BRF2: variants seen among roughly 807,000 people sequenced by gnomAD.
BRF2 encodes the protein BRF2 general transcription factor IIIB subunit.
A neutral mutation model predicts 26.6 loss-of-function variants in BRF2; 17 were observed. The ratio of observed to expected loss-of-function variants is 0.64; its 90% confidence interval spans 0.44 to 0.96. The LOEUF is 0.96. BRF2 is among the 40% of genes least tolerant of loss of function. The pLI, the probability that BRF2 is intolerant of heterozygous loss-of-function variation, is 0.00. For missense variants in BRF2, 515 were observed against 537.0 expected (o/e 0.96, Z 0.40); for synonymous variants, 219 against 226.6 (o/e 0.97, Z 0.30).
Position 37,844,820 on chromosome 8 carries a change from A to G in BRF2, c.930T>C (p.Ser310=). The stretch of plus-strand genomic sequence containing the variant: ...CTTCTGCTGTCCCATCCCGAAAGGC[A>G]GAGCGGACCAGTGACTGGCGGTGCT... ...LLQHRQSLVR[S]AFRDGTAEVE... Residue 310 remains serine, a synonymous_variant, in exon 4 of 4, where the codon TCT becomes TCC. Transcript: ENST00000220659. 6.2e-7 allele frequency: 1 copy of G among 1,614,142 alleles called. No homozygotes were observed. The highest frequency in any genetic ancestry group is 8.5e-7 in the Non-Finnish European group (1 of 1,180,008).
intron 3 of BRF2, chr8:37,845,909 A>G: frequency 1.7e-6 from 1 of 574,702 alleles, no homozygotes. Context: ...ATTCAGCCAC[A>G]AAGCCCATGG....
intron 2 of BRF2, among the ~76,000 whole-genome samples, 194 bp downstream of exon 2, chr8:37,848,402 A>T (rs967857090): frequency 6.6e-6 from 1 of 151,978 alleles, no homozygotes; most frequent in African/African-American, 2.4e-5. Context: ...ACATGCCACC[A>T]TGCCCAGCTA....
intron 3 of BRF2, 27 bp downstream of exon 3, chr8:37,846,827 T>G: frequency 6.5e-7 from 1 of 1,547,880 alleles, no homozygotes; most frequent in South Asian, 1.1e-5. Flanking sequence ...TCCCATCCCA[T>G]CCTACTGTCT....
At chr8:37,847,805 A>C (rs948847912) in intron 2 of BRF2, among the ~76,000 whole-genome samples, 5 of 152,008 alleles carry the variant, frequency 3.3e-5, no homozygotes, top group Non-Finnish European at 7.4e-5. Context: ...CTGGGATTAC[A>C]GGTGTGAGCC....
rs1386252900 is a variant in BRF2, at chr8:37,843,845, A to AG, written c.*644dup. ...GAGCTTTTTGCAATATGCTGGGGAAAGGGGAGGGAGGGAATGAAAGTGCCA... is the reference window on the plus strand; with the variant it reads ...GAGCTTTTTGCAATATGCTGGGGAAAGGGGGAGGGAGGGAATGAAAGTGCCA... On this transcript the variant is annotated 3_prime_UTR_variant, in exon 4 of 4. Coordinates refer to ENST00000220659, the MANE Select transcript of BRF2 (RefSeq NM_018310.4). 6.5e-6 allele frequency: 1 copy of AG among 152,826 alleles called. No homozygotes were observed. Among genetic ancestry groups the AG allele is most frequent in the East Asian group, 1.9e-4 (1 of 5,198 alleles). 9.5% of individuals were successfully genotyped at this position (152,826 alleles called of 1,614,324 possible).
Position 37,847,181 on chromosome 8 carries a change from A to G in BRF2, c.215-6T>C. On this transcript the variant is annotated splice_polypyrimidine_tract_variant and splice_region_variant and intron_variant, in intron 2 of 3. Transcript: ENST00000220659. The stretch of plus-strand genomic sequence containing the variant: ...GTCTCTCACTCGCCGGAGACCTAGG[A>G]AAAACCCACGGCAAGAGTTAGAGGG... 1 of 1,612,870 alleles carries G rather than the reference A, an allele frequency of 6.2e-7. No individual in the cohort carries two copies. The highest frequency in any genetic ancestry group is 8.5e-7 in the Non-Finnish European group (1 of 1,178,926).
At position 37,845,209 on chromosome 8, in the gene BRF2, T is replaced by A. The variant is rs779160210; in HGVS notation, c.541A>T (p.Lys181Ter). 1.2e-6 allele frequency: 2 copies of A among 1,607,528 alleles called. No homozygotes were observed. The highest frequency in any genetic ancestry group is 1.7e-6 in the Non-Finnish European group (2 of 1,175,188). ...ACAGAAGGTGAAGCTTGGAACAGTT[T>A]GAAGCTGAAATAACCAAAATGAGGG... ...ELVKTYCSSFKLFQASPSVPA... is the reference protein window; with the variant it reads ...ELVKTYCSSF Residue 181 changes from lysine (K) to a stop codon, truncating the protein, a stop_gained, in exon 4 of 4, where the codon AAA becomes TAA. Coordinates refer to ENST00000220659, the MANE Select transcript of BRF2 (RefSeq NM_018310.4). LOFTEE classifies it low-confidence loss of function (END_TRUNC).
Position 37,849,682 on chromosome 8 carries a change from C to G in BRF2, c.102G>C (p.Val34=), listed in dbSNP as rs149519890. The G allele has an allele frequency of 3.1e-6, 5 of 1,613,704 alleles. No individual in the cohort carries two copies. Among genetic ancestry groups the G allele is most frequent in the Non-Finnish European group, 4.2e-6 (5 of 1,179,954 alleles). ...TAGTGGTAAGGACCCCCTCGGTGACCACGCAGCCGCAGTCGGAGCACACCA... is the reference window on the plus strand; with the variant it reads ...TAGTGGTAAGGACCCCCTCGGTGACGACGCAGCCGCAGTCGGAGCACACCA... ...SQLVCSDCGC[V]VTEGVLTTTF... The change falls in exon 1 of 4, where the codon GTG becomes GTC. Residue 34 remains valine, a synonymous_variant. Coordinates refer to ENST00000220659, the MANE Select transcript of BRF2 (RefSeq NM_018310.4).
chr8:37,846,868 C>A lies in BRF2; in HGVS notation c.522G>T (p.Lys174Asn), dbSNP rs145364626. ...VPSLCLAELV[K>N]TYCSSFKLFQ... ...CAGGGACGTACCTGCTGCAATAGGT[C>A]TTCACCAGTTCTGCCAAGCACAGAG... is the stretch of plus-strand genomic sequence containing the variant. The change falls in exon 3 of 4, where the codon AAG (lysine) becomes AAT (asparagine). Residue 174 changes from lysine to asparagine, a missense_variant. By Grantham distance (94) the Lys-to-Asn change is moderately conservative (BLOSUM62 0). Transcript: ENST00000220659. 27 of 1,613,398 alleles carry A rather than the reference C, an allele frequency of 1.7e-5. No homozygotes were observed. The African/African-American group carries it at 3.3e-4, about 20-fold the overall frequency.
At position 37,844,332 on chromosome 8, in the gene BRF2, A is replaced by T; in HGVS notation, c.*158T>A. On this transcript the variant is annotated 3_prime_UTR_variant, in exon 4 of 4. Coordinates refer to ENST00000220659, the MANE Select transcript of BRF2 (RefSeq NM_018310.4). Reference sequence around the variant, plus strand: ...TAGTCATCCCTGCACTCCTGACTTTACTCCAGGACCCAGGGTCCAACTAAT... The same window carrying T: ...TAGTCATCCCTGCACTCCTGACTTTTCTCCAGGACCCAGGGTCCAACTAAT... 2.3e-6 allele frequency: 2 copies of T among 883,700 alleles called. No homozygotes were observed. The highest frequency in any genetic ancestry group is 3.5e-6 in the Non-Finnish European group (2 of 575,178). 54.7% of individuals were successfully genotyped at this position (883,700 alleles called of 1,614,324 possible).
chr8:37,849,832 T>C lies in BRF2; in HGVS notation c.-49A>G. 6.5e-7 allele frequency: 1 copy of C among 1,541,618 alleles called. No homozygotes were observed. The highest frequency in any genetic ancestry group is 2.4e-5 in the East Asian group (1 of 41,366). ...GGAAGCCTTCAGAGACTCCTGGGTC[T>C]GCAACAGCAACCGTGAGGCAGCAAG... is the stretch of plus-strand genomic sequence containing the variant. On this transcript the variant is annotated 5_prime_UTR_variant, in exon 1 of 4. Transcript: ENST00000220659.
rs1805932481 is a variant in BRF2 at position 37,845,214 on chromosome 8, C to T, written c.537-1G>A. ...AGGTGAAGCTTGGAACAGTTTGAAG[C>T]TGAAATAACCAAAATGAGGGTTGGA... On this transcript the variant is annotated splice_acceptor_variant, in intron 3 of 3. Transcript: ENST00000220659. LOFTEE classifies it high-confidence loss of function. 6.2e-7 allele frequency: 1 copy of T among 1,604,818 alleles called. No individual in the cohort carries two copies. Among genetic ancestry groups the T allele is most frequent in the African/African-American group, 1.3e-5 (1 of 74,892 alleles).
At position 37,844,368 on chromosome 8, in the gene BRF2, C is replaced by T. The variant is rs570589648; in HGVS notation, c.*122G>A. On this transcript the variant is annotated 3_prime_UTR_variant, in exon 4 of 4. Transcript: ENST00000220659. ...CAGGGTCCAACTAATGGCAGAGCCCCTCTTGGTTCCTTCAAACAAGAAAAG... is the reference window on the plus strand; with the variant it reads ...CAGGGTCCAACTAATGGCAGAGCCCTTCTTGGTTCCTTCAAACAAGAAAAG... The T allele has an allele frequency of 1.5e-4, 203 of 1,343,864 alleles. 1 individual carries two copies. The African/African-American group carries it at 2.3e-3, about 15-fold the overall frequency. 83.2% of individuals were successfully genotyped at this position (1,343,864 alleles called of 1,614,324 possible).
rs1358178761 is a variant in BRF2, at chr8:37,849,859, A to C, written c.-76T>G. 7.0e-7 allele frequency: 1 copy of C among 1,419,554 alleles called. No homozygotes were observed. 87.9% of individuals were successfully genotyped at this position (1,419,554 alleles called of 1,614,324 possible). A position where few individuals can be genotyped will look rare whatever the true frequency, so the allele number is the denominator to read the frequency against. ...CAACAGCAACCGTGAGGCAGCAAGA[A>C]GTAGGAGGGGACACTTCAAAGGGTT... On this transcript the variant is annotated 5_prime_UTR_variant, in exon 1 of 4. Transcript: ENST00000220659.
At chr8:37,845,751 A>C (rs1251162690) in intron 3 of BRF2, 2 of 680,252 alleles carry the variant, frequency 2.9e-6, no homozygotes. Flanking sequence ...GCAGTGAGCT[A>C]TGATGGTGCC....
At chr8:37,846,362 T>G (rs1270202503) in intron 3 of BRF2, among the ~76,000 whole-genome samples, 1 of 151,626 alleles carries the variant, frequency 6.6e-6, no homozygotes, top group Non-Finnish European at 1.5e-5. Flanking sequence ...AAAAGAAAAT[T>G]ATAGCATTCT....
Position 37,844,443 on chromosome 8 carries a change from G to A in BRF2, c.*47C>T, listed in dbSNP as rs765209078. On this transcript the variant is annotated 3_prime_UTR_variant, in exon 4 of 4. Coordinates refer to ENST00000220659, the MANE Select transcript of BRF2 (RefSeq NM_018310.4). ...TTCCATCCTTGGTTATAACAGGAAT[G>A]TTATCAAGCTGTCAGAACAGGATGA... 1.8e-5 allele frequency: 28 copies of A among 1,589,360 alleles called. No individual in the cohort carries two copies. The highest frequency in any genetic ancestry group is 2.0e-5 in the Non-Finnish European group (23 of 1,166,136).
At chr8:37,849,302 TA>T (rs1232153407) in intron 1 of BRF2, among the ~76,000 whole-genome samples, 1 of 152,196 alleles carries the variant, frequency 6.6e-6, no homozygotes, top group Non-Finnish European at 1.5e-5. Context: ...AGTTTGTGCT[TA>T]AAACTATTTC....
intron 3 of BRF2, 113 bp downstream of exon 3, chr8:37,846,741 T>C: frequency 1.3e-6 from 1 of 773,270 alleles, no homozygotes; most frequent in East Asian, 2.4e-5. Context: ...CACTCCAGCC[T>C]GGGTGATAAG....
Sources: allele counts gnomAD v4.1 joint callset (sites outside exome capture counted in the v4.1 genomes callset), GRCh38; gene constraint gnomAD v4.1.1; transcripts MANE v1.5; gene names NCBI Gene and HGNC (gene_info 2026-07-23, HGNC 2026-07-21).